Variants in CWF19L2 observed in about 807,000 individuals in gnomAD.
CWF19L2 encodes CWF19-like protein 2.
In CWF19L2, 98 loss-of-function variants were observed where a neutral mutation model predicts 111.7. The ratio of observed to expected loss-of-function variants is 0.88; its 90% CI spans 0.75 to 1.04. CWF19L2 has a LOEUF of 1.04. Among genes scored for constraint, CWF19L2 ranks in the 50% least tolerant of loss-of-function variants. CWF19L2 has a pLI of 0.00. For synonymous variants in CWF19L2, 351 were observed against 342.9 expected, an observed-to-expected ratio of 1.02 and a Z score of -0.26; for missense variants, 1,101 against 1,051.4, an observed-to-expected ratio of 1.05 and a Z score of -0.65.
chr11:107,425,175 T>C (rs1429861931), intron 8 of CWF19L2, among the ~76,000 whole-genome samples: 3 of 117,084 alleles, frequency 2.6e-5, no homozygotes, highest in Non-Finnish European at 5.3e-5. Context: ...TGTACTCTCT[T>C]TGAAACACAC....
intron 8 of CWF19L2, among the ~76,000 whole-genome samples, chr11:107,426,230 TAAAC>T (rs1345645952): frequency 6.6e-6 from 1 of 151,110 alleles, no homozygotes; most frequent in Non-Finnish European, 1.5e-5. Flanking sequence ...AAAATACAAA[TAAAC>T]AACACATAAA....
At chr11:107,448,775 G>C (rs1273761702) in intron 3 of CWF19L2, among the ~76,000 whole-genome samples, 2 of 152,158 alleles carry the variant, frequency 1.3e-5, no homozygotes, top group East Asian at 1.9e-4. Flanking sequence ...TATGAGGTTA[G>C]AGTGAGAAGA....
chr11:107,334,923 G>T lies in CWF19L2; in HGVS notation c.2397C>A (p.Asn799Lys), dbSNP rs984390362. 1.2e-6 allele frequency: 2 copies of T among 1,608,078 alleles called. No homozygotes were observed. Among genetic ancestry groups the T allele is most frequent in the South Asian group, 1.1e-5 (1 of 90,688 alleles). ...TTGAAGAGAGATCTATCAACTTCTT[G>T]TTCATGGACCACTCTTCATCAGATT... ...IMESDEEWSM[N>K]KKLIDLSSKD... Residue 799 changes from asparagine (N) to lysine (K), a missense_variant, in exon 16 of 18, where the codon AAC (asparagine) becomes AAA (lysine). Transcript: ENST00000282251.
At chr11:107,377,681 G>A (rs6588968) in intron 12 of CWF19L2, among the ~76,000 whole-genome samples, 41,474 of 65,414 alleles carry the variant, frequency 0.63, 10,692 homozygotes, top group African/African-American at 0.8. Context: ...AAACCTAGGC[G>A]TCACCATTCA....
intron 10 of CWF19L2, among the ~76,000 whole-genome samples, chr11:107,407,681 G>A (rs1228550935): frequency 6.6e-6 from 1 of 151,998 alleles, no homozygotes; most frequent in Non-Finnish European, 1.5e-5. Flanking sequence ...TGTGGCTTCA[G>A]TATCTGTTAC....
At chr11:107,393,753 G>A (rs1033198113) in intron 10 of CWF19L2, among the ~76,000 whole-genome samples, 2 of 152,094 alleles carry the variant, frequency 1.3e-5, no homozygotes, top group Non-Finnish European at 2.9e-5. Flanking sequence ...GGAGCTAGAG[G>A]CAATTATCCT....
chr11:107,350,985 G>A (rs1344086889), intron 13 of CWF19L2, among the ~76,000 whole-genome samples: 2 of 152,186 alleles, frequency 1.3e-5, no homozygotes, highest in Non-Finnish European at 2.9e-5. Flanking sequence ...AGACAGTGAG[G>A]TGACAGGAAG....
In CWF19L2 at chr11:107,348,965, A is replaced by G. The variant is rs773841908; in HGVS notation, c.2174T>C (p.Leu725Ser). ...PLQHHRAATL[L>S]DEDIWEEIQM... ...GATCTCCTCCCAGATGTCTTCATCCAACAAAGTAGCTGCTCTATGGTGCTG... is the reference window on the plus strand; with the variant it reads ...GATCTCCTCCCAGATGTCTTCATCCGACAAAGTAGCTGCTCTATGGTGCTG... Residue 725 changes from leucine to serine, a missense_variant, in exon 14 of 18, where the codon TTG becomes TCG. Coordinates refer to ENST00000282251, the MANE Select transcript of CWF19L2 (RefSeq NM_152434.3). 2 of 1,599,526 alleles carry G rather than the reference A, an allele frequency of 1.3e-6. No individual in the cohort carries two copies. Among genetic ancestry groups the G allele is most frequent in the Non-Finnish European group, 1.7e-6 (2 of 1,172,788 alleles).
chr11:107,328,113 T>C (rs11212164), intron 17 of CWF19L2, among the ~76,000 whole-genome samples: 42,407 of 142,764 alleles, frequency 0.3, 6,391 homozygotes, highest in Non-Finnish European at 0.34. Context: ...AAGGTAAGTG[T>C]CAAAGCAGAC....
At chr11:107,339,859 G>A (rs1177392710) in intron 14 of CWF19L2, among the ~76,000 whole-genome samples, 2 of 151,852 alleles carry the variant, frequency 1.3e-5, no homozygotes, top group Non-Finnish European at 2.9e-5. Flanking sequence ...GTAGAGTCAA[G>A]GTTTCGCCAT....
At chr11:107,427,442 T>TTTTAGTGAGTGCCTGTATTATAGTGTA (rs1861394503) in intron 8 of CWF19L2, among the ~76,000 whole-genome samples, 1 of 152,070 alleles carries the variant, frequency 6.6e-6, no homozygotes, top group African/African-American at 2.4e-5. Flanking sequence ...CATACACAGC[T>TTTTAGTGAGTGCCTGTATTATAGTGTA]TTTAGTGAGT....
rs149347924 is a variant in CWF19L2 at position 107,447,971 on chromosome 11, T to A, written c.340-4922A>T. Among the ~76,000 whole-genome samples, 296 of 151,154 alleles carry A rather than the reference T, an allele frequency of 2.0e-3. 1 individual carries two copies. Among genetic ancestry groups the A allele is most frequent in the Non-Finnish European group, 2.6e-3 (179 of 67,788 alleles). On this transcript the variant is annotated intron_variant, in intron 3 of 17. Transcript: ENST00000282251. The stretch of plus-strand genomic sequence containing the variant: ...ACATTAGAAAGATCCAAACGAAACA[T>A]CTAATGATAAAAAAAAAATACAGTA...
At chr11:107,430,884 A>G (rs1209105674) in intron 7 of CWF19L2, among the ~76,000 whole-genome samples, 1 of 149,894 alleles carries the variant, frequency 6.7e-6, no homozygotes, top group Non-Finnish European at 1.5e-5. Flanking sequence ...CCACAAAAAA[A>G]AAAGGAGAAT....
chr11:107,397,006 G>T (rs117836776), intron 10 of CWF19L2, among the ~76,000 whole-genome samples: 1,957 of 152,306 alleles, frequency 0.013, 24 homozygotes, highest in South Asian at 0.038. Flanking sequence ...GAGCAGAAAG[G>T]CCCTGGGATC....
chr11:107,446,607 CTATT>C (rs923422584), intron 3 of CWF19L2, among the ~76,000 whole-genome samples: 2 of 152,158 alleles, frequency 1.3e-5, no homozygotes, highest in Non-Finnish European at 2.9e-5. Context: ...TATTATGTAT[CTATT>C]TATCCAATTA....
chr11:107,403,918 C>CTGTCG, intron 10 of CWF19L2: 1 of 833,730 alleles, frequency 1.2e-6, no homozygotes, highest in African/African-American at 1.7e-5. Context: ...ACTGAGGAAC[C>CTGTCG]ATTAAGGACT....
In CWF19L2 at chr11:107,373,506, G is replaced by A. The variant is rs1443645478; in HGVS notation, c.1872+16568C>T. Among the ~76,000 whole-genome samples, 4 of 132,252 alleles carry A rather than the reference G, an allele frequency of 3.0e-5. 1 individual carries two copies. Among genetic ancestry groups the A allele is most frequent in the African/African-American group, 6.0e-5 (2 of 33,128 alleles). The allele number at this position is 132,252 out of a possible 152,430, so 86.8% of individuals were successfully genotyped here. ...TAACTGGGAGGCACCCCCCAGGAGG[G>A]GCAGACTGACACCTCACATGGCTGG... On this transcript the variant is annotated intron_variant, in intron 12 of 17. Transcript: ENST00000282251.
Position 107,403,593 on chromosome 11 carries a change from C to T in CWF19L2, c.1618-10698G>A. On this transcript the variant is annotated intron_variant, in intron 10 of 17. Coordinates refer to ENST00000282251, the MANE Select transcript of CWF19L2 (RefSeq NM_152434.3). ...TTCTGTTGACTCTCTGTCGTTTCTT[C>T]AAGGTGTGTCTTCTCTGTCTCCATT... The T allele has an allele frequency of 5.1e-6, 4 of 785,786 alleles. No homozygotes were observed. In the Admixed American group the frequency reaches 6.9e-5, roughly 13 times the overall value. 48.7% of individuals were successfully genotyped at this position (785,786 alleles called of 1,614,324 possible).
intron 12 of CWF19L2, among the ~76,000 whole-genome samples, chr11:107,362,162 C>T (rs372796666): frequency 2.6e-5 from 4 of 151,856 alleles, no homozygotes; most frequent in African/African-American, 7.3e-5. Flanking sequence ...GCACCTGGCT[C>T]GGAGGGTCCT....
Sources: allele counts gnomAD v4.1 joint callset (sites outside exome capture counted in the v4.1 genomes callset), GRCh38; gene constraint gnomAD v4.1.1; transcripts MANE v1.5; gene names NCBI Gene and HGNC (gene_info 2026-07-23, HGNC 2026-07-21).